Variants in PCDHGB3 observed in about 807,000 individuals in gnomAD.
PCDHGB3 encodes protocadherin gamma-B3.
A neutral mutation model predicts 59.2 loss-of-function variants in PCDHGB3; 40 were observed. That is an observed-to-expected ratio of 0.68 (90% CI 0.52 to 0.88). PCDHGB3 has a LOEUF of 0.88. Among genes scored for constraint, PCDHGB3 ranks in the 40% least tolerant of loss-of-function variants. The pLI, the probability that PCDHGB3 is intolerant of heterozygous loss-of-function variation, is 0.00. For synonymous variants in PCDHGB3, 581 were observed against 503.6 expected (o/e 1.15, Z -2.06); for missense variants, 1,309 against 1,187.9 (o/e 1.10, Z -1.50).
chr5:141,478,633 TGATGAA>T, intron 1 of PCDHGB3: 4 of 1,553,032 alleles, frequency 2.6e-6, no homozygotes, highest in Non-Finnish European at 3.5e-6. Flanking sequence ...GTTTTTTTAG[TGATGAA>T]GATGTTTTCC....
At chr5:141,436,829 G>C (rs1194891483) in intron 1 of PCDHGB3, among the ~76,000 whole-genome samples, 3 of 152,214 alleles carry the variant, frequency 2.0e-5, no homozygotes, top group African/African-American at 7.2e-5. Flanking sequence ...AAAATCTTAA[G>C]TGCCTAGGCA....
At chr5:141,413,179 G>C in intron 1 of PCDHGB3, 1 of 1,602,658 alleles carries the variant, frequency 6.2e-7, no homozygotes. Context: ...GACTACAATG[G>C]CCGCTCAAAG....
intron 1 of PCDHGB3, among the ~76,000 whole-genome samples, chr5:141,451,724 A>G (rs2098722682): frequency 6.6e-6 from 1 of 152,170 alleles, no homozygotes; most frequent in Non-Finnish European, 1.5e-5. Context: ...TCTACTAAAA[A>G]TACAAAAATT....
chr5:141,467,296 A>G lies in PCDHGB3; in HGVS notation c.2416-27511A>G, dbSNP rs1032802325. Among the ~76,000 whole-genome samples the G allele has an allele frequency of 6.6e-5, 10 of 151,858 alleles. No individual in the cohort carries two copies. The East Asian group carries it at 9.7e-4, about 15-fold the overall frequency. On this transcript the variant is annotated intron_variant, in intron 1 of 3. Transcript: ENST00000576222. The stretch of plus-strand genomic sequence containing the variant: ...TCGAACTCTTGACCTCAAGTGATCC[A>G]CTCACCTCGGCCTCCCACAGTGCTG...
In PCDHGB3 at chr5:141,471,046, CTTT is replaced by C. The variant is rs1170588345; in HGVS notation, c.2416-23743_2416-23741del. ...ATTTTTATTAACAAGCCCAAGCCCT[CTTT>C]TTTTTTTTTTTTTTTTTGAGACAGG... On this transcript the variant is annotated intron_variant, in intron 1 of 3. Coordinates refer to ENST00000576222, the MANE Select transcript of PCDHGB3 (RefSeq NM_018924.5). 4.8e-4 allele frequency among the ~76,000 whole-genome samples: 54 copies of C among 113,240 alleles called. 1 individual carries two copies. Among genetic ancestry groups the C allele is most frequent in the Middle Eastern group, 5.2e-3 (1 of 192 alleles). 74.3% of individuals were successfully genotyped at this position (113,240 alleles called of 152,430 possible).
intron 1 of PCDHGB3, among the ~76,000 whole-genome samples, chr5:141,451,073 C>A (rs1346074089): frequency 6.6e-6 from 1 of 151,958 alleles, no homozygotes; most frequent in Non-Finnish European, 1.5e-5. Flanking sequence ...TGTGATCCAC[C>A]CACCTTGACC....
chr5:141,371,225 C>A lies in PCDHGB3; in HGVS notation c.831C>A (p.Ile277=). 1 of 1,614,046 alleles carries A rather than the reference C, an allele frequency of 6.2e-7. No individual in the cohort carries two copies. The highest frequency in any genetic ancestry group is 8.5e-7 in the Non-Finnish European group (1 of 1,179,902). ...IDMDEGINAE[I]IYAFINIGKE... is the part of the protein sequence containing the mutation. ...TGGATGAGGGCATCAATGCCGAAAT[C>A]ATCTATGCCTTCATCAATATTGGCA... The change falls in exon 1 of 4, where the codon ATC becomes ATA. Residue 277 remains isoleucine, a synonymous_variant. Transcript: ENST00000576222.
chr5:141,398,857 C>T (rs749773693), intron 1 of PCDHGB3: 15 of 1,613,800 alleles, frequency 9.3e-6, no homozygotes, highest in African/African-American at 1.3e-5. Flanking sequence ...GGTATTCAAC[C>T]GAGACGTGTA....
intron 1 of PCDHGB3, chr5:141,478,813 A>G (rs2099478658): frequency 4.8e-6 from 7 of 1,453,346 alleles, no homozygotes; most frequent in Non-Finnish European, 6.3e-6. Context: ...TGCTATCACA[A>G]CTAACCAATC....
intron 1 of PCDHGB3, among the ~76,000 whole-genome samples, chr5:141,472,561 T>C (rs1000220187): frequency 2.6e-5 from 4 of 151,632 alleles, no homozygotes; most frequent in African/African-American, 9.7e-5. Flanking sequence ...AATTATATTA[T>C]AAATGCTGCA....
chr5:141,393,650 C>A, intron 1 of PCDHGB3: 1 of 1,613,906 alleles, frequency 6.2e-7, no homozygotes, highest in Non-Finnish European at 8.5e-7. Context: ...AAGTGGCATA[C>A]AAATTCCGGA....
intron 1 of PCDHGB3, chr5:141,428,003 C>A (rs1175875944): frequency 2.5e-6 from 4 of 1,601,244 alleles, no homozygotes; most frequent in Non-Finnish European, 3.4e-6. Context: ...CCGCACTCTT[C>A]GATATAGTGC....
At chr5:141,474,803 T>C (rs1383027398) in intron 1 of PCDHGB3, among the ~76,000 whole-genome samples, 1 of 152,250 alleles carries the variant, frequency 6.6e-6, no homozygotes, top group Non-Finnish European at 1.5e-5. Context: ...ATGGAGTGGT[T>C]TGCATCATTA....
intron 1 of PCDHGB3, among the ~76,000 whole-genome samples, chr5:141,380,158 T>C (rs939673033): frequency 6.6e-6 from 1 of 151,976 alleles, no homozygotes; most frequent in Non-Finnish European, 1.5e-5. Flanking sequence ...CCTCAGCCTC[T>C]CAAAGGGCTG....
intron 1 of PCDHGB3, chr5:141,393,264 C>A (rs537186931): frequency 6.2e-7 from 1 of 1,613,916 alleles, no homozygotes. Flanking sequence ...TCCTGGAGCA[C>A]GTTATCCACT....
chr5:141,497,187 G>T (rs1475463841), intron 2 of PCDHGB3, among the ~76,000 whole-genome samples: 2 of 139,586 alleles, frequency 1.4e-5, no homozygotes, highest in Non-Finnish European at 3.0e-5. Flanking sequence ...GTTCTGAGAG[G>T]CAGAGAACAA....
rs765634746 is a variant in PCDHGB3 at position 141,418,621 on chromosome 5, C to A, written c.2415+45812C>A. On this transcript the variant is annotated intron_variant, in intron 1 of 3. Transcript: ENST00000576222. Reference sequence around the variant, plus strand: ...TGTACAGGGTTAGCCTTCGGGAAGACGTGCCTCCAGGCACCTCCATCCTGA... The same window carrying A: ...TGTACAGGGTTAGCCTTCGGGAAGAAGTGCCTCCAGGCACCTCCATCCTGA... 8 of 1,614,034 alleles carry A rather than the reference C, an allele frequency of 5.0e-6. No individual in the cohort carries two copies. The East Asian group carries it at 1.8e-4, about 36-fold the overall frequency.
At chr5:141,390,223 G>T (rs137959577) in intron 1 of PCDHGB3, 3 of 1,614,020 alleles carry the variant, frequency 1.9e-6, no homozygotes, top group East Asian at 2.2e-5. Context: ...ATACTTTGCG[G>T]TGATTCATCT....
chr5:141,429,858 A>T (rs1183727412), intron 1 of PCDHGB3, among the ~76,000 whole-genome samples: 1 of 152,192 alleles, frequency 6.6e-6, no homozygotes, highest in East Asian at 1.9e-4. Context: ...CATTCTTTGG[A>T]CTACCAATTT....
Sources: gnomAD v4.1 joint callset for allele counts (sites outside exome capture counted in the v4.1 genomes callset) on GRCh38, gnomAD v4.1.1 for gene constraint, MANE v1.5 for transcripts, NCBI Gene and HGNC (gene_info 2026-07-23, HGNC 2026-07-21) for gene names.